DENND4C: variants seen among roughly 807,000 people sequenced by gnomAD.
DENND4C encodes the protein DENN domain containing 4C, also known as DENN domain-containing protein 4C.
A neutral mutation model predicts 203.0 loss-of-function variants in DENND4C; 108 were observed. The ratio of observed to expected loss-of-function variants is 0.53; its 90% confidence interval spans 0.46 to 0.62. The LOEUF (loss-of-function observed/expected upper bound fraction) is 0.62. DENND4C is among the 20% of genes least tolerant of loss of function. The pLI, the probability that DENND4C is intolerant of heterozygous loss-of-function variation, is 0.00. For synonymous variants in DENND4C, 871 were observed against 792.4 expected (o/e 1.10, Z -1.67); for missense variants, 2,481 against 2,301.2 (o/e 1.08, Z -1.60).
chr9:19,295,199 G>A (rs1203348478), intron 5 of DENND4C, among the ~76,000 whole-genome samples: 5 of 151,570 alleles, frequency 3.3e-5, no homozygotes, highest in South Asian at 2.1e-4. Context: ...GTGAAACCCC[G>A]TCTCTACTAA....
At position 19,352,425 on chromosome 9, in the gene DENND4C, A is replaced by G. The variant is rs1053770384; in HGVS notation, c.4606-65A>G. ...GAATAAAAAAAATCCCATTATCTCA[A>G]GAGAATTCCTGTTAAGATTAATTTT... On this transcript the variant is annotated intron_variant, in intron 25 of 32. Transcript: ENST00000434457. 5.5e-6 allele frequency: 8 copies of G among 1,441,860 alleles called. No homozygotes were observed. The African/African-American group carries it at 7.1e-5, about 13-fold the overall frequency. 89.3% of individuals were successfully genotyped at this position (1,441,860 alleles called of 1,614,324 possible).
intron 1 of DENND4C, among the ~76,000 whole-genome samples, chr9:19,238,450 T>C (rs1822597091): frequency 3.2e-5 from 2 of 63,446 alleles, no homozygotes; most frequent in African/African-American, 7.1e-5. Context: ...TCTCTTTCCT[T>C]CCCCTCCCCT....
chr9:19,341,898 G>T (rs971054131), intron 21 of DENND4C, among the ~76,000 whole-genome samples: 2 of 152,128 alleles, frequency 1.3e-5, no homozygotes, highest in Non-Finnish European at 2.9e-5. Flanking sequence ...GCTGAGGTGG[G>T]CGGATCACGT....
intron 26 of DENND4C, among the ~76,000 whole-genome samples, chr9:19,354,549 CTTTTT>C (rs66823332): frequency 1.1e-5 from 1 of 87,292 alleles, no homozygotes; most frequent in African/African-American, 4.6e-5. Flanking sequence ...TTATTCTAGC[CTTTTT>C]TTTTTTTTTT....
chr9:19,259,215 G>T (rs563047762), intron 1 of DENND4C, among the ~76,000 whole-genome samples: 17 of 151,654 alleles, frequency 1.1e-4, no homozygotes, highest in African/African-American at 3.9e-4. Flanking sequence ...ATTTTTGTAT[G>T]CATTAACCGT....
At chr9:19,340,651 A>G (rs898667096) in intron 20 of DENND4C, among the ~76,000 whole-genome samples, 1 of 152,202 alleles carries the variant, frequency 6.6e-6, no homozygotes. Context: ...TTGCAAAAGT[A>G]AGCAGATATA....
chr9:19,358,091 T>C lies in DENND4C; in HGVS notation c.5091T>C (p.Ile1697=). ...GTGTTGGAGGCCCATTGCAGAATAT[T>C]GACTTTACCCAGCGACCGTTTCATG... ...SHSVGGPLQN[I]DFTQRPFHGI... Residue 1697 remains isoleucine, a synonymous_variant, in exon 28 of 33, where the codon ATT becomes ATC. Coordinates refer to ENST00000434457, the MANE Select transcript of DENND4C (RefSeq NM_001330640.2). This position sits in a 1 kb window ranked among gnomAD's most constrained non-coding sequence, Gnocchi z 4.8. 6.2e-7 allele frequency: 1 copy of C among 1,614,024 alleles called. No individual in the cohort carries two copies. The highest frequency in any genetic ancestry group is 8.5e-7 in the Non-Finnish European group (1 of 1,179,878).
chr9:19,326,105 A>C lies in DENND4C; in HGVS notation c.2031A>C (p.Leu677=), dbSNP rs1348628506. 6.2e-7 allele frequency: 1 copy of C among 1,612,928 alleles called. No homozygotes were observed. Among genetic ancestry groups the C allele is most frequent in the African/African-American group, 1.3e-5 (1 of 74,882 alleles). Residue 677 remains leucine (L), a synonymous_variant, in exon 15 of 33, where the codon CTA becomes CTC. Coordinates refer to ENST00000434457, the MANE Select transcript of DENND4C (RefSeq NM_001330640.2). The stretch of plus-strand genomic sequence containing the variant: ...CAGAAGATACCAGATTGATAGAACT[A>C]GATGATTCACAGAAAAGTGAGCATA... The part of the protein sequence containing the change: ...DSAEDTRLIE[L]DDSQKSEHTV...
Position 19,296,157 on chromosome 9 carries a change from A to C in DENND4C, c.951A>C (p.Ser317=), listed in dbSNP as rs772597156. 1 of 1,613,948 alleles carries C rather than the reference A, an allele frequency of 6.2e-7. No individual in the cohort carries two copies. Among genetic ancestry groups the C allele is most frequent in the Non-Finnish European group, 8.5e-7 (1 of 1,179,958 alleles). The change falls in exon 6 of 33, where the codon TCA becomes TCC. Residue 317 remains serine, a synonymous_variant. Coordinates refer to ENST00000434457, the MANE Select transcript of DENND4C (RefSeq NM_001330640.2). ...CAAACAAATGCATTTGTTTACTCTC[A>C]CACTGGCCTTTTTTTGAAGCTTTTA... ...INTNKCICLL[S]HWPFFEAFRK...
At position 19,336,708 on chromosome 9, in the gene DENND4C, A is replaced by G; in HGVS notation, c.2757A>G (p.Gly919=). 1 of 1,551,030 alleles carries G rather than the reference A, an allele frequency of 6.4e-7. No homozygotes were observed. The highest frequency in any genetic ancestry group is 8.7e-7 in the Non-Finnish European group (1 of 1,147,062). The stretch of plus-strand genomic sequence containing the variant: ...TAGCTCTTCAAAATGTCACAGGTGG[A>G]AGTGATGGGGACACGGTGAGCCACG... ...SISALQNVTG[G]SDGDTVSHGS... Residue 919 remains glycine, a synonymous_variant, in exon 20 of 33, where the codon GGA becomes GGG. Transcript: ENST00000434457.
chr9:19,278,524 C>T (rs891478652), intron 2 of DENND4C, among the ~76,000 whole-genome samples: 3 of 152,100 alleles, frequency 2.0e-5, no homozygotes, highest in African/African-American at 4.8e-5. Flanking sequence ...CATTAGAGCT[C>T]TGGCGAAATT....
At chr9:19,286,048 G>A (rs1186729741) in intron 2 of DENND4C, among the ~76,000 whole-genome samples, 2 of 152,172 alleles carry the variant, frequency 1.3e-5, no homozygotes, top group Non-Finnish European at 2.9e-5. Flanking sequence ...AAAGCAGCTG[G>A]GGTTTAAATA....
rs575632845 is a variant in DENND4C at position 19,288,098 on chromosome 9, T to C, written c.559-498T>C. Among the ~76,000 whole-genome samples, 5 of 152,376 alleles carry C rather than the reference T, an allele frequency of 3.3e-5. 1 individual carries two copies. In the South Asian group the frequency reaches 1.0e-3, roughly 32 times the overall value. ...AAAATGAACATAAATGTTTGATTCA[T>C]AGTTTTTAAAGACTACAGCTTACTT... is the stretch of plus-strand genomic sequence containing the variant. On this transcript the variant is annotated intron_variant, in intron 3 of 32. Coordinates refer to ENST00000434457, the MANE Select transcript of DENND4C (RefSeq NM_001330640.2).
At chr9:19,309,212 C>T (rs1280682818) in intron 10 of DENND4C, among the ~76,000 whole-genome samples, 1 of 151,992 alleles carries the variant, frequency 6.6e-6, no homozygotes, top group Non-Finnish European at 1.5e-5. Flanking sequence ...CTCCTGGGGT[C>T]GGGAGTTTGA....
At chr9:19,336,969 A>G (rs1341853521) in intron 20 of DENND4C, 137 bp downstream of exon 20, 3 of 839,900 alleles carry the variant, frequency 3.6e-6, no homozygotes, top group Non-Finnish European at 5.4e-6. Context: ...GAGAAACAAT[A>G]CGAGTCTGCA....
At chr9:19,279,332 G>C (rs1472630209) in intron 2 of DENND4C, among the ~76,000 whole-genome samples, 1 of 151,458 alleles carries the variant, frequency 6.6e-6, no homozygotes, top group Non-Finnish European at 1.5e-5. Flanking sequence ...GGGAGGCTGA[G>C]GTGGGAGGAG....
Position 19,336,718 on chromosome 9 carries a change from G to T in DENND4C, c.2767G>T (p.Asp923Tyr), listed in dbSNP as rs913700660. The part of the protein sequence containing the change: ...LQNVTGGSDG[D>Y]TVSHGSVDSS... ...AAATGTCACAGGTGGAAGTGATGGG[G>T]ACACGGTGAGCCACGGTAGTGTGGA... The change falls in exon 20 of 33, where the codon GAC (aspartate) becomes TAC (tyrosine). Residue 923 changes from aspartate to tyrosine, a missense_variant. Transcript: ENST00000434457. 6.4e-7 allele frequency: 1 copy of T among 1,550,984 alleles called. No homozygotes were observed. The highest frequency in any genetic ancestry group is 1.4e-5 in the African/African-American group (1 of 73,026).
intron 1 of DENND4C, among the ~76,000 whole-genome samples, chr9:19,270,106 C>G (rs1041493356): frequency 6.6e-6 from 1 of 152,056 alleles, no homozygotes; most frequent in African/African-American, 2.4e-5. Flanking sequence ...CCTTATTTTC[C>G]CCCAAACAAA....
At chr9:19,245,806 A>G (rs1304579291) in intron 1 of DENND4C, among the ~76,000 whole-genome samples, 1 of 150,764 alleles carries the variant, frequency 6.6e-6, no homozygotes, top group African/African-American at 2.5e-5. Flanking sequence ...CGGTGAGCAG[A>G]GATCATGCCA....
Sources: gnomAD v4.1 joint callset for allele counts (sites outside exome capture counted in the v4.1 genomes callset) on GRCh38, gnomAD v4.1.1 for gene constraint, Gnocchi (gnomAD v3.1) non-coding constraint, MANE v1.5 for transcripts, NCBI Gene and HGNC (gene_info 2026-07-23, HGNC 2026-07-21) for gene names.